The following GRIN2A variants were observed in gnomAD, a reference collection of about 807,000 sequenced individuals.
The protein encoded by GRIN2A is glutamate receptor ionotropic, NMDA 2A.
A neutral mutation model predicts 113.4 loss-of-function variants in GRIN2A; 22 were observed. The observed-to-expected ratio is 0.19, with a 90% CI of 0.14 to 0.28. The LOEUF (loss-of-function observed/expected upper bound fraction) is 0.28, where lower values mean the gene tolerates loss of function less well. Ranked by LOEUF, GRIN2A falls within the 10% of genes least tolerant of loss-of-function variation. GRIN2A has a pLI of 1.00. For synonymous variants in GRIN2A, 827 were observed against 738.4 expected (o/e 1.12, Z -1.94); for missense variants, 1,502 against 1,887.0 (o/e 0.80, Z 3.78).
At position 10,038,462 on chromosome 16, in the gene GRIN2A, T is replaced by G. The variant is rs1938552232; in HGVS notation, c.415-99911A>C. Among the ~76,000 whole-genome samples, 3 of 152,000 alleles carry G rather than the reference T, an allele frequency of 2.0e-5. No individual in the cohort carries two copies. The South Asian group carries it at 6.2e-4, about 32-fold the overall frequency. On this transcript the variant is annotated intron_variant, in intron 2 of 12. Coordinates refer to ENST00000330684, the MANE Select transcript of GRIN2A (RefSeq NM_001134407.3). ...TTGGAGGGGGCTGTCCTGCACACAC[T>G]GTAGGTTATTTACAAGCATCCCTGT...
chr16:10,064,832 G>A (rs1312418797), intron 2 of GRIN2A, among the ~76,000 whole-genome samples: 1 of 152,182 alleles, frequency 6.6e-6, no homozygotes, highest in Non-Finnish European at 1.5e-5. Context: ...AATCTCCATT[G>A]TTTCAGGGCA....
chr16:9,884,410 G>C (rs1037346635), intron 4 of GRIN2A, among the ~76,000 whole-genome samples: 1 of 152,034 alleles, frequency 6.6e-6, no homozygotes, highest in Non-Finnish European at 1.5e-5. Context: ...TTAGCCAGGA[G>C]TGGCTGCACG....
intron 10 of GRIN2A, among the ~76,000 whole-genome samples, chr16:9,818,711 A>G (rs2042229154): frequency 6.6e-6 from 1 of 152,184 alleles, no homozygotes; most frequent in South Asian, 2.1e-4. Flanking sequence ...ATCTCAGCAT[A>G]CTTTTTACCT....
Position 9,757,358 on chromosome 16 carries a change from C to G in GRIN2A, c.*5791G>C, listed in dbSNP as rs1045786668. On this transcript the variant is annotated 3_prime_UTR_variant, in exon 13 of 13. Coordinates refer to ENST00000330684, the MANE Select transcript of GRIN2A (RefSeq NM_001134407.3). ...AGTTACTTAAAGGTTTAGGGAAGGACTTTTTTTTTTTTTTTAAAAAAGGTA... is the reference window on the plus strand; with the variant it reads ...AGTTACTTAAAGGTTTAGGGAAGGAGTTTTTTTTTTTTTTTAAAAAAGGTA... The G allele has an allele frequency of 5.5e-6, 1 of 183,030 alleles. No individual in the cohort carries two copies. The highest frequency in any genetic ancestry group is 1.1e-5 in the Non-Finnish European group (1 of 91,272). The allele number at this position is 183,030 out of a possible 1,614,324, so 11.3% of individuals were successfully genotyped here. A position where few individuals can be genotyped will look rare whatever the true frequency, so the allele number is the denominator to read the frequency against.
intron 4 of GRIN2A, among the ~76,000 whole-genome samples, chr16:9,856,584 C>T (rs1200409089): frequency 6.9e-6 from 1 of 144,838 alleles, no homozygotes; most frequent in East Asian, 2.0e-4. Context: ...GAGATCGCGC[C>T]ACTGCACTCC....
chr16:9,837,459 A>C (rs939983967), intron 7 of GRIN2A, among the ~76,000 whole-genome samples: 2 of 152,188 alleles, frequency 1.3e-5, no homozygotes, highest in African/African-American at 4.8e-5. Context: ...TTCAATATTC[A>C]CGACCCATTT....
chr16:9,769,273 C>A, intron 11 of GRIN2A, 184 bp from the exon 12 acceptor site: 1 of 545,690 alleles, frequency 1.8e-6, no homozygotes, highest in African/African-American at 1.9e-5. Context: ...ACATAGCCTA[C>A]CTAATATTGT....
At chr16:9,813,015 C>G (rs1034358262) in intron 10 of GRIN2A, among the ~76,000 whole-genome samples, 7 of 152,198 alleles carry the variant, frequency 4.6e-5, no homozygotes, top group African/African-American at 7.2e-5. Context: ...CAGAACAAAG[C>G]AATGCTCTTC....
intron 2 of GRIN2A, among the ~76,000 whole-genome samples, chr16:10,137,848 T>A (rs1340162377): frequency 6.6e-6 from 1 of 152,194 alleles, no homozygotes; most frequent in African/African-American, 2.4e-5. Flanking sequence ...CATGACTTTA[T>A]CCTCAGAGCC....
intron 2 of GRIN2A, among the ~76,000 whole-genome samples, chr16:10,003,482 A>G (rs2046355567): frequency 6.6e-6 from 1 of 152,222 alleles, no homozygotes; most frequent in South Asian, 2.1e-4. Context: ...AAACGAACAG[A>G]GATGACCATG....
intron 2 of GRIN2A, among the ~76,000 whole-genome samples, chr16:10,133,286 G>A (rs561526431): frequency 2.6e-5 from 4 of 152,286 alleles, no homozygotes; most frequent in South Asian, 4.1e-4. Context: ...ACTAACTCAC[G>A]ATAGTGTCAA....
rs946101596 is a variant in GRIN2A, at chr16:9,757,354, A to G, written c.*5795T>C. The G allele has an allele frequency of 9.9e-5, 22 of 223,110 alleles. No homozygotes were observed. The highest frequency in any genetic ancestry group is 4.9e-4 in the African/African-American group (22 of 44,768). The allele number at this position is 223,110 out of a possible 1,614,324, so 13.8% of individuals were successfully genotyped here. On this transcript the variant is annotated 3_prime_UTR_variant, in exon 13 of 13. Coordinates refer to ENST00000330684, the MANE Select transcript of GRIN2A (RefSeq NM_001134407.3). ...CCGGAGTTACTTAAAGGTTTAGGGA[A>G]GGACTTTTTTTTTTTTTTTAAAAAA...
At chr16:9,797,887 G>A (rs1364645060) in intron 11 of GRIN2A, among the ~76,000 whole-genome samples, 2 of 152,082 alleles carry the variant, frequency 1.3e-5, no homozygotes, top group Non-Finnish European at 2.9e-5. Context: ...CACTGAATGT[G>A]TCTCCAGGCA....
chr16:10,088,587 G>A (rs949049435), intron 2 of GRIN2A, among the ~76,000 whole-genome samples: 4 of 152,216 alleles, frequency 2.6e-5, no homozygotes, highest in African/African-American at 9.7e-5. Flanking sequence ...TTTAGTGTCT[G>A]GATATCATTA....
intron 10 of GRIN2A, among the ~76,000 whole-genome samples, chr16:9,820,845 T>A (rs562395827): frequency 1.3e-5 from 2 of 152,310 alleles, no homozygotes; most frequent in East Asian, 3.9e-4. Context: ...TGCATTTTTG[T>A]TATACTTCAA....
At chr16:9,893,085 T>C (rs569038915) in intron 3 of GRIN2A, among the ~76,000 whole-genome samples, 1 of 152,184 alleles carries the variant, frequency 6.6e-6, no homozygotes, top group Non-Finnish European at 1.5e-5. Flanking sequence ...GAGAATCTGG[T>C]TTCCAAGGAC....
At chr16:10,034,385 A>G (rs1384727542) in intron 2 of GRIN2A, among the ~76,000 whole-genome samples, 1 of 151,756 alleles carries the variant, frequency 6.6e-6, no homozygotes, top group Non-Finnish European at 1.5e-5. Flanking sequence ...AATTAGCCGG[A>G]ATGTTAGCAC....
At chr16:9,919,735 A>T (rs952191755) in intron 3 of GRIN2A, among the ~76,000 whole-genome samples, 2 of 152,214 alleles carry the variant, frequency 1.3e-5, no homozygotes, top group African/African-American at 4.8e-5. Flanking sequence ...CCAAACTCTC[A>T]TCGTGGTCTC....
chr16:9,972,499 A>G (rs2045692236), intron 2 of GRIN2A, among the ~76,000 whole-genome samples: 1 of 152,202 alleles, frequency 6.6e-6, no homozygotes, highest in South Asian at 2.1e-4. Flanking sequence ...CTATTCTAAC[A>G]ATACACTTAA....
Sources: gnomAD v4.1 joint callset for allele counts (sites outside exome capture counted in the v4.1 genomes callset) on GRCh38, gnomAD v4.1.1 for gene constraint, MANE v1.5 for transcripts, NCBI Gene and HGNC (gene_info 2026-07-23, HGNC 2026-07-21) for gene names.